Variants in MYO9B observed in about 807,000 individuals in gnomAD.
MYO9B encodes unconventional myosin-IXb.
Under a neutral mutation model 229.5 loss-of-function variants are expected in MYO9B, and 71 were observed. That is an observed-to-expected ratio of 0.31 (90% CI 0.26 to 0.38). The LOEUF is 0.38. MYO9B is among the 10% of genes least tolerant of loss of function. The pLI is 1.00. For missense variants in MYO9B, 2,255 were observed against 2,920.5 expected (o/e 0.77, Z 5.25); for synonymous variants, 1,185 against 1,235.8 (o/e 0.96, Z 0.86).
Position 17,162,332 on chromosome 19 carries a change from C to T in MYO9B, c.1420-18C>T. ...GGCCTGCCGTGCCGGAGGTGAGTCA[C>T]CCCCTCTGTGTCCACAGGCCATCAC... is the stretch of plus-strand genomic sequence containing the variant. On this transcript the variant is annotated intron_variant, in intron 8 of 39. Coordinates refer to ENST00000682292, the MANE Select transcript of MYO9B (RefSeq NM_004145.4). The T allele has an allele frequency of 1.3e-6, 2 of 1,551,974 alleles. No homozygotes were observed. Among genetic ancestry groups the T allele is most frequent in the Non-Finnish European group, 1.7e-6 (2 of 1,148,760 alleles).
chr19:17,130,297 C>G (rs1056052842), intron 2 of MYO9B, among the ~76,000 whole-genome samples: 4 of 151,826 alleles, frequency 2.6e-5, no homozygotes, highest in Non-Finnish European at 5.9e-5. Flanking sequence ...ATAGCAAGAC[C>G]CCATCTCTAC....
chr19:17,165,021 C>T (rs1045992668), intron 10 of MYO9B, among the ~76,000 whole-genome samples: 2 of 152,218 alleles, frequency 1.3e-5, no homozygotes, highest in South Asian at 4.1e-4. Context: ...CACACCACCA[C>T]ACCCAGCTAG....
At chr19:17,200,119 C>A (rs879492724) in intron 24 of MYO9B, among the ~76,000 whole-genome samples, 174 bp from the exon 25 acceptor site, 2 of 152,150 alleles carry the variant, frequency 1.3e-5, no homozygotes, top group East Asian at 3.9e-4. Flanking sequence ...ATGATCCACC[C>A]GCCTGGATCT....
chr19:17,116,188 C>T (rs1322340107), intron 2 of MYO9B, among the ~76,000 whole-genome samples: 2 of 152,190 alleles, frequency 1.3e-5, no homozygotes, highest in Non-Finnish European at 2.9e-5. Flanking sequence ...GCTCTGAGAT[C>T]GCGTGCATCC....
intron 2 of MYO9B, among the ~76,000 whole-genome samples, chr19:17,114,427 C>T (rs1453964584): frequency 6.6e-6 from 1 of 152,074 alleles, no homozygotes; most frequent in Non-Finnish European, 1.5e-5. Flanking sequence ...GGTCACTGCT[C>T]ACCCACGATC....
intron 14 of MYO9B, chr19:17,178,390 G>A (rs1434773516): frequency 6.6e-6 from 1 of 151,826 alleles, no homozygotes; most frequent in Admixed American, 6.6e-5. Flanking sequence ...ATCACTTGAG[G>A]CCAGGAGTTT....
In MYO9B at chr19:17,212,519, C is replaced by T; in HGVS notation, c.*209C>T. Reference sequence around the variant, plus strand: ...GCCCCCTCGCACGCAGCCCCCAAATCATGGACGCACCTGTGGGGAGCACCA... The same window carrying T: ...GCCCCCTCGCACGCAGCCCCCAAATTATGGACGCACCTGTGGGGAGCACCA... On this transcript the variant is annotated 3_prime_UTR_variant, in exon 40 of 40. Transcript: ENST00000682292. This position sits in a 1 kb window ranked among gnomAD's most constrained non-coding sequence, Gnocchi z 5.4. 1 of 528,426 alleles carries T rather than the reference C, an allele frequency of 1.9e-6. No individual in the cohort carries two copies. The highest frequency in any genetic ancestry group is 3.2e-5 in the South Asian group (1 of 31,716). The allele number at this position is 528,426 out of a possible 1,614,324, so 32.7% of individuals were successfully genotyped here. A position where few individuals can be genotyped will look rare whatever the true frequency, so the allele number is the denominator to read the frequency against.
chr19:17,206,171 T>G lies in MYO9B; in HGVS notation c.5257+19T>G. On this transcript the variant is annotated intron_variant, in intron 32 of 39. Coordinates refer to ENST00000682292, the MANE Select transcript of MYO9B (RefSeq NM_004145.4). ...CAGACAGGTGGGCGCTGTGGGCAGGTGGGTGCAGTGCCAGGCCCCAGGCAC... is the reference window on the plus strand; with the variant it reads ...CAGACAGGTGGGCGCTGTGGGCAGGGGGGTGCAGTGCCAGGCCCCAGGCAC... The G allele has an allele frequency of 6.2e-7, 1 of 1,608,942 alleles. No homozygotes were observed. Among genetic ancestry groups the G allele is most frequent in the Non-Finnish European group, 8.5e-7 (1 of 1,178,850 alleles).
chr19:17,135,386 T>C (rs2072256494), intron 2 of MYO9B, among the ~76,000 whole-genome samples: 1 of 151,950 alleles, frequency 6.6e-6, no homozygotes, highest in Non-Finnish European at 1.5e-5. Flanking sequence ...GTGTGCCAGA[T>C]TATATCGCAT....
chr19:17,103,862 C>G (rs1377412097), intron 2 of MYO9B: 1 of 151,928 alleles, frequency 6.6e-6, no homozygotes, highest in African/African-American at 2.4e-5. Flanking sequence ...TTGAGACCAG[C>G]CTGGCCAACA....
chr19:17,110,307 T>A (rs887753096), intron 2 of MYO9B, among the ~76,000 whole-genome samples: 6 of 152,198 alleles, frequency 3.9e-5, no homozygotes, highest in Admixed American at 2.0e-4. Flanking sequence ...TGCCATCACC[T>A]TTCACCAAGT....
intron 17 of MYO9B, 84 bp from the exon 18 acceptor site, chr19:17,185,837 T>G (rs1197653646): frequency 4.6e-6 from 5 of 1,095,056 alleles, no homozygotes; most frequent in Non-Finnish European, 7.0e-6. Flanking sequence ...ACACTGATGC[T>G]AGAGTGTCCC....
At chr19:17,106,861 G>A (rs1414301465) in intron 2 of MYO9B, among the ~76,000 whole-genome samples, 4 of 152,154 alleles carry the variant, frequency 2.6e-5, no homozygotes, top group African/African-American at 7.2e-5. Flanking sequence ...TCAAGAGTTC[G>A]AGACCAGCCT....
chr19:17,130,068 C>T (rs1482598262), intron 2 of MYO9B, among the ~76,000 whole-genome samples: 1 of 152,134 alleles, frequency 6.6e-6, no homozygotes, highest in Non-Finnish European at 1.5e-5. Flanking sequence ...GATCCTCCTG[C>T]CTTGGCCTCC....
intron 1 of MYO9B, chr19:17,095,666 G>T (rs941328618): frequency 6.6e-6 from 1 of 152,244 alleles, no homozygotes; most frequent in Non-Finnish European, 1.5e-5. Context: ...GTGGACATTG[G>T]TGTACAAGGA....
At chr19:17,132,474 C>T (rs2145177782) in intron 2 of MYO9B, among the ~76,000 whole-genome samples, 1 of 148,108 alleles carries the variant, frequency 6.8e-6, no homozygotes, top group Admixed American at 6.8e-5. Flanking sequence ...GTGTGAACGA[C>T]AGTGCCAGGC....
Position 17,212,041 on chromosome 19 carries a change from A to G in MYO9B, c.6205A>G (p.Asn2069Asp). 1 of 1,519,876 alleles carries G rather than the reference A, an allele frequency of 6.6e-7. No homozygotes were observed. The highest frequency in any genetic ancestry group is 8.9e-7 in the Non-Finnish European group (1 of 1,123,254). The allele number at this position is 1,519,876 out of a possible 1,614,324, so 94.1% of individuals were successfully genotyped here. A position where few individuals can be genotyped will look rare whatever the true frequency, so the allele number is the denominator to read the frequency against. ...PRRTPIMPTA[N>D]IKLPPGLPSH... ...GCGGACCCCCATCATGCCCACGGCC[A>G]ACATCAAGCTCCCACCAGGCCTGCC... The change falls in exon 40 of 40, where the codon AAC becomes GAC. Residue 2069 changes from asparagine (N) to aspartate (D), a missense_variant. Coordinates refer to ENST00000682292, the MANE Select transcript of MYO9B (RefSeq NM_004145.4). This position sits in a 1 kb window ranked among gnomAD's most constrained non-coding sequence, Gnocchi z 5.4.
At chr19:17,187,878 C>G in intron 18 of MYO9B, 57 bp from the exon 19 acceptor site, 2 of 1,448,606 alleles carry the variant, frequency 1.4e-6, no homozygotes, top group Admixed American at 4.0e-5. Flanking sequence ...CAGCAACAGA[C>G]TTGGGCATCC....
intron 1 of MYO9B, among the ~76,000 whole-genome samples, chr19:17,096,226 G>A (rs1373391517): frequency 6.6e-6 from 1 of 152,096 alleles, no homozygotes; most frequent in African/African-American, 2.4e-5. Context: ...GTGGACATTT[G>A]GGTTCTCAGT....
Sources: allele counts gnomAD v4.1 joint callset (sites outside exome capture counted in the v4.1 genomes callset), GRCh38; gene constraint gnomAD v4.1.1; non-coding constraint Gnocchi (gnomAD v3.1); transcripts MANE v1.5; gene names NCBI Gene and HGNC (gene_info 2026-07-23, HGNC 2026-07-21).